EVL: variants seen among roughly 807,000 people sequenced by gnomAD.
EVL encodes the protein ena/VASP-like protein.
EVL carries 21 observed loss-of-function variants against 59.6 expected under a neutral mutation model. The observed-to-expected ratio is 0.35, with a 90% CI of 0.25 to 0.51. The LOEUF (loss-of-function observed/expected upper bound fraction) is 0.51. Ranked by LOEUF, EVL falls within the 20% of genes least tolerant of loss-of-function variation. EVL has a pLI of 0.97. For synonymous variants in EVL, 198 were observed against 203.5 expected, an observed-to-expected ratio of 0.97 and a Z score of 0.23; for missense variants, 462 against 546.6, an observed-to-expected ratio of 0.85 and a Z score of 1.54.
In EVL at chr14:100,087,795, G is replaced by A. The variant is rs201620734; in HGVS notation, c.180+2940G>A. 1.3e-3 allele frequency among the ~76,000 whole-genome samples: 184 copies of A among 143,760 alleles called. 1 individual carries two copies. In the Middle Eastern group the frequency reaches 0.015, roughly 11 times the overall value. 94.3% of individuals were successfully genotyped at this position (143,760 alleles called of 152,430 possible). On this transcript the variant is annotated intron_variant, in intron 2 of 13. Coordinates refer to ENST00000392920, the MANE Select transcript of EVL (RefSeq NM_016337.3). ...TCTGCTCTGCTCTGCTCTGCTCTGC[G>A]TGGGTCATTCTTCCCGCAGAATGCT...
At chr14:100,141,681 C>T (rs979471478) in intron 12 of EVL, 55 bp from the exon 13 acceptor site, 20 of 1,582,726 alleles carry the variant, frequency 1.3e-5, no homozygotes, top group South Asian at 3.4e-5. Context: ...CAGCCCAGGC[C>T]GGCTTTTCCG....
chr14:100,129,803 A>G (rs1179750616), intron 7 of EVL, 119 bp downstream of exon 7: 2 of 1,375,590 alleles, frequency 1.5e-6, no homozygotes, highest in Non-Finnish European at 1.9e-6. Flanking sequence ...GGGTTTAGCC[A>G]AGCAGGGGAA....
intron 1 of EVL, among the ~76,000 whole-genome samples, chr14:100,012,995 A>G (rs548640105): frequency 3.9e-5 from 6 of 152,248 alleles, no homozygotes; most frequent in Admixed American, 2.6e-4. Flanking sequence ...CTGTATTTGC[A>G]TACCAAGCAT....
chr14:100,121,024 C>G (rs2140363050), intron 3 of EVL, among the ~76,000 whole-genome samples: 1 of 152,340 alleles, frequency 6.6e-6, no homozygotes, highest in Non-Finnish European at 1.5e-5. Flanking sequence ...AATCCAAGCT[C>G]AGCTCGGGCG....
At chr14:99,971,988 C>CCCGCGCCCCG (rs1555409733) in exon 1 of EVL, 1 of 147,776 alleles carries the variant, frequency 6.8e-6, no homozygotes, top group Non-Finnish European at 1.5e-5. Flanking sequence ...CGTCCCGCGC[C>CCCGCGCCCCG]CCGCCGCCGC....
intron 1 of EVL, among the ~76,000 whole-genome samples, chr14:100,023,619 A>G (rs1191025542): frequency 6.6e-6 from 1 of 150,884 alleles, no homozygotes; most frequent in Non-Finnish European, 1.5e-5. Context: ...GAGCCACCGC[A>G]CCTAGCCTAA....
At chr14:100,088,661 A>G (rs1329665975) in intron 2 of EVL, among the ~76,000 whole-genome samples, 1 of 152,220 alleles carries the variant, frequency 6.6e-6, no homozygotes, top group Non-Finnish European at 1.5e-5. Flanking sequence ...ACCATCATAT[A>G]TGCAGTCTGT....
chr14:99,995,333 G>A (rs544987854), intron 1 of EVL, among the ~76,000 whole-genome samples: 24 of 151,624 alleles, frequency 1.6e-4, no homozygotes, highest in South Asian at 1.3e-3. Context: ...TTCTTTTTTC[G>A]TTTTATCCCT....
chr14:100,059,833 G>A (rs2061792713), intron 1 of EVL, among the ~76,000 whole-genome samples: 1 of 152,190 alleles, frequency 6.6e-6, no homozygotes, highest in Admixed American at 6.5e-5. Context: ...GGATCTGCCA[G>A]TAATTTCCCT....
chr14:100,102,200 T>C (rs955013210), intron 3 of EVL: 2 of 453,198 alleles, frequency 4.4e-6, no homozygotes, highest in African/African-American at 4.0e-5. Context: ...CAATTTCATC[T>C]TTTCTGTTAT....
At chr14:100,085,129 A>ATTTTTT (rs2062411671) in intron 2 of EVL, 1 of 305,268 alleles carries the variant, frequency 3.3e-6, no homozygotes, top group Non-Finnish European at 6.0e-6. Flanking sequence ...ATTAAAATAA[A>ATTTTTT]TAATAGATGT....
intron 12 of EVL, among the ~76,000 whole-genome samples, chr14:100,141,526 G>A (rs191553316): frequency 2.6e-4 from 40 of 152,314 alleles, no homozygotes; most frequent in Admixed American, 1.3e-3. Context: ...TTTCAGTGGC[G>A]TCTACCTGAG....
rs2060739864 is a variant in EVL, at chr14:99,972,370, G to C, written c.5+313G>C. Among the ~76,000 whole-genome samples the C allele has an allele frequency of 6.6e-6, 1 of 152,046 alleles. No homozygotes were observed. ...GGCTCCGGGGGGCCTGCGGCGGCCT[G>C]GGAGGCAGACCCCCGCGGGCAGGTG... is the stretch of plus-strand genomic sequence containing the variant. On this transcript the variant is annotated intron_variant, in intron 1 of 13. Transcript: ENST00000402714. This position sits in a 1 kb window ranked among gnomAD's most constrained non-coding sequence, Gnocchi z 4.4.
At chr14:100,032,669 T>C (rs1462845427) in intron 1 of EVL, among the ~76,000 whole-genome samples, 1 of 152,206 alleles carries the variant, frequency 6.6e-6, no homozygotes. Flanking sequence ...AACCTTTTTT[T>C]CTTTCCATGA....
At chr14:100,045,258 TC>T (rs1453043271) in intron 1 of EVL, among the ~76,000 whole-genome samples, 1 of 152,214 alleles carries the variant, frequency 6.6e-6, no homozygotes, top group Non-Finnish European at 1.5e-5. Flanking sequence ...AATCCTCTGT[TC>T]CTGGCACCTC....
chr14:99,986,404 G>A (rs2060840899), intron 1 of EVL, among the ~76,000 whole-genome samples: 1 of 151,972 alleles, frequency 6.6e-6, no homozygotes. Context: ...TTTCTTTCCT[G>A]GGAAGAAGGA....
In EVL at chr14:100,114,179, A is replaced by T. The variant is rs1595204462; in HGVS notation, c.359-9360A>T. Among the ~76,000 whole-genome samples, 1 of 151,928 alleles carries T rather than the reference A, an allele frequency of 6.6e-6. No individual in the cohort carries two copies. Among genetic ancestry groups the T allele is most frequent in the South Asian group, 2.1e-4 (1 of 4,786 alleles). On this transcript the variant is annotated intron_variant, in intron 3 of 13. Transcript: ENST00000392920. This position sits in a 1 kb window ranked among gnomAD's most constrained non-coding sequence, Gnocchi z 5.0. The stretch of plus-strand genomic sequence containing the variant: ...CGAAGCGAAGGAGGGCCGGGGGGGA[A>T]TCAAATGAGCCTTACTTCTGTGAGC...
chr14:100,044,756 T>C (rs1474184743), intron 1 of EVL, among the ~76,000 whole-genome samples: 2 of 152,124 alleles, frequency 1.3e-5, no homozygotes, highest in Admixed American at 6.5e-5. Context: ...GCTGCCTGAA[T>C]GGACAGTGAG....
intron 3 of EVL, among the ~76,000 whole-genome samples, chr14:100,104,828 T>C (rs1445591782): frequency 6.6e-6 from 1 of 151,708 alleles, no homozygotes; most frequent in East Asian, 1.9e-4. Context: ...AATCCCCCGC[T>C]GAGCTGCAGT....
Sources: allele counts gnomAD v4.1 joint callset (sites outside exome capture counted in the v4.1 genomes callset), GRCh38; gene constraint gnomAD v4.1.1; non-coding constraint Gnocchi (gnomAD v3.1); transcripts MANE v1.5; gene names NCBI Gene and HGNC (gene_info 2026-07-23, HGNC 2026-07-21).